The following PHYH variants were observed in gnomAD, a reference collection of about 807,000 sequenced individuals.
PHYH encodes phytanoyl-CoA 2-hydroxylase.
Under a neutral mutation model 38.5 loss-of-function variants are expected in PHYH, and 32 were observed. That is an observed-to-expected ratio of 0.83 (90% CI 0.63 to 1.12). The LOEUF (loss-of-function observed/expected upper bound fraction) is 1.12, where lower values mean the gene tolerates loss of function less well. Among genes scored for constraint, PHYH ranks in the 50% most tolerant of loss-of-function variants. The probability of loss-of-function intolerance (pLI) is 0.00; values close to 1 mark genes in which losing one functional copy is unlikely to be tolerated. For synonymous variants in PHYH, 166 were observed against 157.9 expected (o/e 1.05, Z -0.38); for missense variants, 426 against 434.8 (o/e 0.98, Z 0.18).
chr10:13,299,085 C>T (rs1260004873), intron 1 of PHYH, among the ~76,000 whole-genome samples: 1 of 146,734 alleles, frequency 6.8e-6, no homozygotes, highest in Non-Finnish European at 1.5e-5. Flanking sequence ...CGAGATCGTA[C>T]CACTACTGCA....
chr10:13,281,083 C>A lies in PHYH; in HGVS notation c.856G>T (p.Asp286Tyr), dbSNP rs538686726. The change falls in exon 8 of 9, where the codon GAT (aspartate) becomes TAT (tyrosine). Residue 286 changes from aspartate to tyrosine, a missense_variant. Coordinates refer to ENST00000263038, the MANE Select transcript of PHYH (RefSeq NM_006214.4). ...KAISCHFASA[D>Y]CHYIDVKGTS... ...CCCTTCACGTCAATGTAGTGGCAATCGGCACTGGCGAAATGGCAGGAAATT... is the reference window on the plus strand; with the variant it reads ...CCCTTCACGTCAATGTAGTGGCAATAGGCACTGGCGAAATGGCAGGAAATT... The A allele has an allele frequency of 1.4e-4, 229 of 1,614,032 alleles. No homozygotes were observed. Among genetic ancestry groups the A allele is most frequent in the Non-Finnish European group, 1.9e-4 (224 of 1,180,018 alleles).
At chr10:13,297,517 G>A (rs538339268) in intron 2 of PHYH, among the ~76,000 whole-genome samples, 1 of 152,230 alleles carries the variant, frequency 6.6e-6, no homozygotes, top group African/African-American at 2.4e-5. Context: ...TCAGTGGCGT[G>A]ATCTCAGCTC....
chr10:13,298,921 AAAATAATAAT>A (rs370123696), intron 1 of PHYH, among the ~76,000 whole-genome samples: 4,186 of 84,016 alleles, frequency 0.05, 116 homozygotes, highest in Middle Eastern at 0.09. Flanking sequence ...CTCCGTCTCA[AAAATAATAAT>A]AATAATAATA....
At chr10:13,296,970 T>G (rs1050946012) in intron 2 of PHYH, among the ~76,000 whole-genome samples, 2 of 150,622 alleles carry the variant, frequency 1.3e-5, no homozygotes, top group Non-Finnish European at 1.5e-5. Context: ...AAATAAAATA[T>G]AATAAAATAT....
intron 5 of PHYH, chr10:13,291,415 T>A (rs1456111056): frequency 5.2e-6 from 1 of 191,504 alleles, no homozygotes; most frequent in African/African-American, 2.4e-5. Flanking sequence ...GACTTCCTTA[T>A]CCAAAGTTTG....
chr10:13,278,049 C>T lies in PHYH; in HGVS notation c.*252G>A, dbSNP rs1835328626. The T allele has an allele frequency of 2.1e-6, 1 of 470,382 alleles. No homozygotes were observed. The highest frequency in any genetic ancestry group is 3.9e-6 in the Non-Finnish European group (1 of 258,296). The allele number at this position is 470,382 out of a possible 1,614,324, so 29.1% of individuals were successfully genotyped here. On this transcript the variant is annotated 3_prime_UTR_variant, in exon 9 of 9. Transcript: ENST00000263038. ...TTTAACACTTAAATTAGACACCAAC[C>T]ACCTTTATTGGCTGCCACCCTAAAT...
intron 5 of PHYH, 160 bp downstream of exon 5, chr10:13,291,671 A>T (rs1588513681): frequency 1.6e-6 from 1 of 641,456 alleles, no homozygotes; most frequent in East Asian, 2.8e-5. Context: ...TTAGAGACAG[A>T]GCCTCACTAT....
intron 2 of PHYH, among the ~76,000 whole-genome samples, chr10:13,297,434 A>T (rs1394840970): frequency 9.5e-6 from 1 of 105,062 alleles, no homozygotes; most frequent in East Asian, 5.2e-4. Context: ...CCATATAACC[A>T]AATACAAGCT....
At position 13,298,245 on chromosome 10, in the gene PHYH, C is replaced by T; in HGVS notation, c.76G>A (p.Val26Ile). ...HLGRPSAGAV[V>I]AHPTSGTISS... is the part of the protein sequence containing the mutation. ...ATAGTCCCTGAAGTGGGATGAGCTA[C>T]CTAGGATGTGAATTAAGGCAAATAA... Residue 26 changes from valine (V) to isoleucine (I), a missense_variant and splice_region_variant, in exon 2 of 9, where the codon GTA becomes ATA. Val to Ile is a conservative substitution (Grantham distance 29). Coordinates refer to ENST00000263038, the MANE Select transcript of PHYH (RefSeq NM_006214.4). 1.3e-6 allele frequency: 2 copies of T among 1,593,792 alleles called. No individual in the cohort carries two copies. The highest frequency in any genetic ancestry group is 1.7e-6 in the Non-Finnish European group (2 of 1,161,664).
chr10:13,292,306 T>C (rs1835731922), intron 4 of PHYH, among the ~76,000 whole-genome samples: 1 of 152,156 alleles, frequency 6.6e-6, no homozygotes, highest in Admixed American at 6.6e-5. Flanking sequence ...CTGTCATGAA[T>C]AGCCCGGAAG....
Position 13,288,536 on chromosome 10 carries a change from T to A in PHYH, c.502A>T (p.Lys168Ter). The change falls in exon 6 of 9, where the codon AAG becomes TAG. Residue 168 changes from lysine (K) to a stop codon, truncating the protein, a stop_gained. Coordinates refer to ENST00000263038, the MANE Select transcript of PHYH (RefSeq NM_006214.4). LOFTEE classifies it high-confidence loss of function. ...TGGTGCAGGGGGTGACGGGACGTCT[T>A]CTTGCCTGAAAAGAAAACCTGCTAC... ...LINKPPDSGK[K>*]TSRHPLHQDL... is the part of the protein sequence containing the mutation. 3 of 1,614,002 alleles carry A rather than the reference T, an allele frequency of 1.9e-6. No homozygotes were observed. Among genetic ancestry groups the A allele is most frequent in the Non-Finnish European group, 2.5e-6 (3 of 1,179,992 alleles).
chr10:13,290,114 CCAAA>C (rs1835669083), intron 5 of PHYH, among the ~76,000 whole-genome samples: 1 of 15,918 alleles, frequency 6.3e-5, no homozygotes, highest in Non-Finnish European at 1.2e-4. Flanking sequence ...ACTAAAAATA[CCAAA>C]AAAAAAAAAA....
intron 7 of PHYH, 26 bp from the exon 8 acceptor site, chr10:13,281,136 T>G: frequency 1.9e-6 from 3 of 1,613,720 alleles, no homozygotes; most frequent in East Asian, 2.2e-5. Context: ...AAATTGATAT[T>G]GGAGAAAAAC....
rs1588506107 is a variant in PHYH at position 13,281,180 on chromosome 10, T to C, written c.829-70A>G. 10 of 1,498,876 alleles carry C rather than the reference T, an allele frequency of 6.7e-6. No homozygotes were observed. The East Asian group carries it at 2.3e-4, about 34-fold the overall frequency. 92.8% of individuals were successfully genotyped at this position (1,498,876 alleles called of 1,614,324 possible). A position where few individuals can be genotyped will look rare whatever the true frequency, so the allele number is the denominator to read the frequency against. On this transcript the variant is annotated intron_variant, in intron 7 of 8. Transcript: ENST00000263038. ...AATACCAGTGACCAAGCAGGGAGTC[T>C]TTCTTTTAGAAAGTCATTTATTTCA... is the stretch of plus-strand genomic sequence containing the variant.
intron 8 of PHYH, among the ~76,000 whole-genome samples, chr10:13,280,057 C>T (rs1835376466): frequency 6.6e-6 from 1 of 152,080 alleles, no homozygotes; most frequent in Non-Finnish European, 1.5e-5. Flanking sequence ...CAAGCTCCGC[C>T]TCCTGGGTTC....
At chr10:13,294,697 C>T in intron 3 of PHYH, 101 bp from the exon 4 acceptor site, 2 of 971,756 alleles carry the variant, frequency 2.1e-6, no homozygotes, top group South Asian at 1.3e-5. Flanking sequence ...GGTGGTTTCT[C>T]TGCACTAAGT....
At position 13,294,750 on chromosome 10, in the gene PHYH, A is replaced by G. The variant is rs1835801335; in HGVS notation, c.246-154T>C. On this transcript the variant is annotated intron_variant, in intron 3 of 8. Transcript: ENST00000263038. ...TAGAATAATTCCAATGAAAGGGAGG[A>G]GAAACTGTCTGGCTAGAATCCATTC... is the stretch of plus-strand genomic sequence containing the variant. 3 of 680,432 alleles carry G rather than the reference A, an allele frequency of 4.4e-6. No homozygotes were observed. The Admixed American group carries it at 6.5e-5, about 15-fold the overall frequency. 42.1% of individuals were successfully genotyped at this position (680,432 alleles called of 1,614,324 possible). A position where few individuals can be genotyped will look rare whatever the true frequency, so the allele number is the denominator to read the frequency against.
chr10:13,293,922 G>A (rs1312397733), intron 4 of PHYH, among the ~76,000 whole-genome samples: 5 of 151,968 alleles, frequency 3.3e-5, no homozygotes, highest in Admixed American at 3.3e-4. Context: ...GTAGGACACT[G>A]GCCAGGCGCA....
intron 7 of PHYH, 72 bp downstream of exon 7, chr10:13,283,618 T>A: frequency 7.0e-7 from 1 of 1,431,128 alleles, no homozygotes; most frequent in Non-Finnish European, 9.9e-7. Flanking sequence ...TTAATTTGAA[T>A]TCAATGAATT....
Sources: allele counts gnomAD v4.1 joint callset (sites outside exome capture counted in the v4.1 genomes callset), GRCh38; gene constraint gnomAD v4.1.1; transcripts MANE v1.5; gene names NCBI Gene and HGNC (gene_info 2026-07-23, HGNC 2026-07-21).